The following LAMC2 variants were observed in gnomAD, a reference collection of about 807,000 sequenced individuals.
The protein encoded by LAMC2 is laminin subunit gamma-2.
LAMC2 carries 97 observed loss-of-function variants against 140.2 expected under a neutral mutation model. The ratio of observed to expected loss-of-function variants is 0.69; its 90% CI spans 0.59 to 0.82. The LOEUF (loss-of-function observed/expected upper bound fraction) is 0.82. LAMC2 is among the 40% of genes least tolerant of loss of function. LAMC2 has a pLI of 0.00. For missense variants in LAMC2, 1,402 were observed against 1,476.1 expected (o/e 0.95, Z 0.82); for synonymous variants, 513 against 540.2 (o/e 0.95, Z 0.70).
In LAMC2 at chr1:183,223,197, G is replaced by A. The variant is rs778444737; in HGVS notation, c.826G>A (p.Asp276Asn). Residue 276 changes from aspartate to asparagine, a missense_variant, in exon 7 of 23, where the codon GAC becomes AAC. Asp to Asn is a conservative substitution (Grantham distance 23). Transcript: ENST00000264144. ...GQSLSFDYRVDRGGRHPSAHD... is the reference protein window; with the variant it reads ...GQSLSFDYRVNRGGRHPSAHD... ...AAGCCTGTCCTTTGACTACCGTGTG[G>A]ACAGAGGAGGCAGACACCCATCTGC... The A allele has an allele frequency of 1.9e-6, 3 of 1,614,186 alleles. No individual in the cohort carries two copies. Among genetic ancestry groups the A allele is most frequent in the Non-Finnish European group, 2.5e-6 (3 of 1,180,036 alleles).
chr1:183,239,510 A>T lies in LAMC2; in HGVS notation c.3016A>T (p.Arg1006Trp). The T allele has an allele frequency of 1.2e-6, 2 of 1,613,308 alleles. No homozygotes were observed. The highest frequency in any genetic ancestry group is 8.5e-7 in the Non-Finnish European group (1 of 1,179,788). ...GGGGAGCGCTGCTGCTGATGCACAG[A>T]GGGCAAAGAATGGGGCCGGGGAGGC... ...ALGSAAADAQ[R>W]AKNGAGEALE... Residue 1006 changes from arginine (R) to tryptophan (W), a missense_variant, in exon 20 of 23, where the codon AGG (arginine) becomes TGG (tryptophan). Arg to Trp is a moderately radical substitution (Grantham distance 101, BLOSUM62 -3). This residue lies in a region of LAMC2 where 670 missense variants were observed against 667.2 expected (regional missense o/e 1.00). Transcript: ENST00000264144.
At chr1:183,218,868 CA>C in intron 4 of LAMC2, among the ~76,000 whole-genome samples, 1 of 152,318 alleles carries the variant, frequency 6.6e-6, no homozygotes, top group African/African-American at 2.4e-5. Context: ...CCTAATTAAA[CA>C]TGCTGCGAAA....
chr1:183,235,557 T>C lies in LAMC2; in HGVS notation c.2301-18T>C. ...CTTTGCGTGAAAACTCTTATTCTTT[T>C]GTTTTTAATCCTTTCAGCCACGTTG... On this transcript the variant is annotated intron_variant, in intron 15 of 22. Coordinates refer to ENST00000264144, the MANE Select transcript of LAMC2 (RefSeq NM_005562.3). The C allele has an allele frequency of 6.2e-7, 1 of 1,614,114 alleles. No homozygotes were observed.
rs748464019 is a variant in LAMC2, at chr1:183,243,267, G to A, written c.3449G>A (p.Arg1150His). The change falls in exon 23 of 23, where the codon CGT becomes CAT. Residue 1150 changes from arginine (R) to histidine (H), a missense_variant. Transcript: ENST00000264144. ...PMMSELEERA[R>H]QQRGHLHLLE... Reference sequence around the variant, plus strand: ...ATGTCAGAGCTGGAAGAGAGGGCACGTCAGCAGAGGGGCCACCTCCATTTG... The same window carrying A: ...ATGTCAGAGCTGGAAGAGAGGGCACATCAGCAGAGGGGCCACCTCCATTTG... 24 of 1,614,068 alleles carry A rather than the reference G, an allele frequency of 1.5e-5. No homozygotes were observed. The highest frequency in any genetic ancestry group is 5.5e-5 in the South Asian group (5 of 91,084).
chr1:183,243,526 G>C lies in LAMC2; in HGVS notation c.*126G>C, dbSNP rs1660183081. The C allele has an allele frequency of 8.3e-7, 1 of 1,198,138 alleles. No homozygotes were observed. The highest frequency in any genetic ancestry group is 1.5e-5 in the African/African-American group (1 of 66,580). The allele number at this position is 1,198,138 out of a possible 1,614,324, so 74.2% of individuals were successfully genotyped here. A position where few individuals can be genotyped will look rare whatever the true frequency, so the allele number is the denominator to read the frequency against. ...TTTAATGGGTATGCTCAGGTCAACT[G>C]ACCTGACCCCATTCCTGATCCCATG... On this transcript the variant is annotated 3_prime_UTR_variant, in exon 23 of 23. Coordinates refer to ENST00000264144, the MANE Select transcript of LAMC2 (RefSeq NM_005562.3).
intron 1 of LAMC2, among the ~76,000 whole-genome samples, chr1:183,190,263 G>T (rs1424876348): frequency 6.6e-6 from 1 of 152,128 alleles, no homozygotes; most frequent in African/African-American, 2.4e-5. Context: ...TACTGTTATT[G>T]TTACAACTAA....
At chr1:183,252,246 G>A in the LAMC2 span, 1 of 182,050 alleles carries the variant, frequency 5.5e-6, no homozygotes. Flanking sequence ...CATGCTGGGA[G>A]GAGGGGCACC....
intron 2 of LAMC2, among the ~76,000 whole-genome samples, chr1:183,210,660 T>C (rs1350447702): frequency 6.6e-6 from 1 of 152,240 alleles, no homozygotes; most frequent in Non-Finnish European, 1.5e-5. Flanking sequence ...CACAAAAAGC[T>C]TGATGGATAT....
chr1:183,255,925 A>G, the LAMC2 span, among the ~76,000 whole-genome samples: 1 of 151,728 alleles, frequency 6.6e-6, no homozygotes, highest in South Asian at 2.1e-4. Flanking sequence ...CCGCCTCCCA[A>G]AGTGCTGGGA....
At chr1:183,199,201 T>C (rs1658626179) in intron 1 of LAMC2, among the ~76,000 whole-genome samples, 1 of 147,634 alleles carries the variant, frequency 6.8e-6, no homozygotes, top group African/African-American at 2.5e-5. Context: ...GCCTCCCAGG[T>C]TAAAGGATTC....
chr1:183,197,609 GA>G (rs896351673), intron 1 of LAMC2, among the ~76,000 whole-genome samples: 1 of 151,902 alleles, frequency 6.6e-6, no homozygotes, highest in African/African-American at 2.4e-5. Context: ...CTGGGAGGCG[GA>G]GCTTGCTGTG....
chr1:183,252,770 T>G, the LAMC2 span: 1 of 1,556,634 alleles, frequency 6.4e-7, no homozygotes, highest in South Asian at 1.1e-5. Context: ...GACAATCAGA[T>G]GGACATCCAC....
At chr1:183,208,209 G>A (rs1436907713) in intron 2 of LAMC2, 140 bp downstream of exon 2, 8 of 834,014 alleles carry the variant, frequency 9.6e-6, no homozygotes, top group Non-Finnish European at 1.6e-5. Context: ...AGGCCAAGAG[G>A]GAGATGTTCA....
rs758354186 is a variant in LAMC2, at chr1:183,232,808, C to T, written c.2171C>T (p.Thr724Ile). Residue 724 changes from threonine to isoleucine, a missense_variant, in exon 14 of 23, where the codon ACT (threonine) becomes ATT (isoleucine). By Grantham distance (89) the Thr-to-Ile change is moderately conservative. Transcript: ENST00000264144. ...NRVRDTHRLITQMQLSLAESE... is the reference protein window; with the variant it reads ...NRVRDTHRLIIQMQLSLAESE... ...GTTCGGGATACTCACAGGCTCATCA[C>T]TCAGATGCAGCTGAGCCTGGCAGAA... 1.2e-6 allele frequency: 2 copies of T among 1,614,142 alleles called. No homozygotes were observed. Among genetic ancestry groups the T allele is most frequent in the Admixed American group, 3.3e-5 (2 of 60,024 alleles).
chr1:183,197,057 G>A (rs529475940), intron 1 of LAMC2, among the ~76,000 whole-genome samples: 9 of 152,228 alleles, frequency 5.9e-5, no homozygotes, highest in Non-Finnish European at 8.8e-5. Context: ...AAGCAGAGAA[G>A]CCATGATACA....
the LAMC2 span, among the ~76,000 whole-genome samples, chr1:183,253,283 T>A: frequency 6.8e-6 from 1 of 148,028 alleles, no homozygotes; most frequent in Non-Finnish European, 1.5e-5. Flanking sequence ...ATATTATTTA[T>A]ATAATAGTGT....
chr1:183,255,658 A>G, the LAMC2 span, among the ~76,000 whole-genome samples: 2 of 120,412 alleles, frequency 1.7e-5, no homozygotes, highest in African/African-American at 7.4e-5. Flanking sequence ...ATTTATTCCT[A>G]AGGGTTTTTT....
intron 2 of LAMC2, among the ~76,000 whole-genome samples, chr1:183,210,085 G>T (rs933799411): frequency 5.9e-5 from 9 of 152,128 alleles, no homozygotes; most frequent in African/African-American, 2.2e-4. Flanking sequence ...CTAAAGAGGG[G>T]GCTATGTTTT....
At chr1:183,241,261 A>G in intron 22 of LAMC2, 1 of 965,822 alleles carries the variant, frequency 1.0e-6, no homozygotes, top group Non-Finnish European at 1.2e-6. Flanking sequence ...AAAAAAAAAA[A>G]GGAAAAATAA....
Sources: allele counts gnomAD v4.1 joint callset (sites outside exome capture counted in the v4.1 genomes callset), GRCh38; gene constraint gnomAD v4.1.1; regional missense constraint gnomAD v4.1.1; transcripts MANE v1.5; gene names NCBI Gene and HGNC (gene_info 2026-07-23, HGNC 2026-07-21).